Variants in RAPGEF4 observed in about 807,000 individuals in gnomAD.
RAPGEF4 encodes the protein RAP guanine-nucleotide-exchange factor (GEF) 4.
A neutral mutation model predicts 147.9 loss-of-function variants in RAPGEF4; 66 were observed. That is an observed-to-expected ratio of 0.45 (90% CI 0.37 to 0.55). The LOEUF is 0.55. RAPGEF4 is among the 20% of genes least tolerant of loss of function. The pLI is 0.00. For missense variants in RAPGEF4, 1,071 were observed against 1,257.3 expected, an observed-to-expected ratio of 0.85 and a Z score of 2.24; for synonymous variants, 419 against 442.7, an observed-to-expected ratio of 0.95 and a Z score of 0.67.
At chr2:172,773,084 C>A (rs942639258) in intron 1 of RAPGEF4, among the ~76,000 whole-genome samples, 1 of 152,092 alleles carries the variant, frequency 6.6e-6, no homozygotes, top group Non-Finnish European at 1.5e-5. Flanking sequence ...TGTACATTTA[C>A]ATTGGTTTTT....
intron 30 of RAPGEF4, 64 bp downstream of exon 30, chr2:173,048,718 C>T (rs1286125777): frequency 7.4e-6 from 12 of 1,610,832 alleles, no homozygotes; most frequent in Non-Finnish European, 9.3e-6. Context: ...CTTAATGAGG[C>T]CATTGAGACA....
chr2:172,844,903 A>G (rs567120393), intron 4 of RAPGEF4, among the ~76,000 whole-genome samples: 223 of 152,218 alleles, frequency 1.5e-3, no homozygotes, highest in Non-Finnish European at 1.8e-3. Flanking sequence ...TACAACATTG[A>G]GCAAATATGT....
intron 4 of RAPGEF4, among the ~76,000 whole-genome samples, chr2:172,827,845 C>T (rs1689844031): frequency 6.6e-6 from 1 of 152,122 alleles, no homozygotes; most frequent in African/African-American, 2.4e-5. Context: ...GGTTCAAATC[C>T]CTCACTCCAG....
intron 25 of RAPGEF4, 30 bp from the exon 26 acceptor site, chr2:173,030,134 T>G: frequency 6.8e-7 from 1 of 1,468,236 alleles, no homozygotes; most frequent in Non-Finnish European, 9.5e-7. Context: ...AAGTAACATT[T>G]TACTCAAACA....
At chr2:172,993,683 G>T (rs3754754) in intron 15 of RAPGEF4, among the ~76,000 whole-genome samples, 5 of 152,138 alleles carry the variant, frequency 3.3e-5, no homozygotes, top group Non-Finnish European at 7.4e-5. Flanking sequence ...AAACAAAGCC[G>T]TCACGTGATG....
chr2:172,839,247 C>CA (rs1203145216), intron 4 of RAPGEF4, among the ~76,000 whole-genome samples: 1 of 151,798 alleles, frequency 6.6e-6, no homozygotes, highest in African/African-American at 2.4e-5. Flanking sequence ...GGATCTCACA[C>CA]AAGAAAGAAT....
intron 4 of RAPGEF4, among the ~76,000 whole-genome samples, chr2:172,832,996 G>A (rs565668732): frequency 6.6e-6 from 1 of 152,318 alleles, no homozygotes; most frequent in South Asian, 2.1e-4. Flanking sequence ...CTGAGGTCAG[G>A]AGTTCAAGAC....
At chr2:173,029,690 A>C (rs1001465803) in intron 25 of RAPGEF4, among the ~76,000 whole-genome samples, 2 of 152,206 alleles carry the variant, frequency 1.3e-5, no homozygotes, top group African/African-American at 4.8e-5. Context: ...TTTTCAACAA[A>C]CAAGTAGCAT....
intron 4 of RAPGEF4, among the ~76,000 whole-genome samples, chr2:172,815,871 A>T (rs973131447): frequency 2.6e-5 from 4 of 152,166 alleles, no homozygotes; most frequent in Admixed American, 2.6e-4. Flanking sequence ...CTTATTATTT[A>T]AAAAAATTTC....
At chr2:172,761,281 A>G (rs1174149212) in intron 1 of RAPGEF4, among the ~76,000 whole-genome samples, 1 of 151,898 alleles carries the variant, frequency 6.6e-6, no homozygotes, top group Non-Finnish European at 1.5e-5. Context: ...GCCCACCACC[A>G]CGCCTGGCTA....
chr2:172,847,499 C>T (rs1692332164), intron 4 of RAPGEF4, among the ~76,000 whole-genome samples: 1 of 152,184 alleles, frequency 6.6e-6, no homozygotes, highest in South Asian at 2.1e-4. Flanking sequence ...GACATCTCAC[C>T]TGACCAGAAA....
intron 12 of RAPGEF4, 40 bp downstream of exon 12, chr2:172,985,533 C>T (rs1692158785): frequency 6.2e-7 from 1 of 1,600,146 alleles, no homozygotes; most frequent in Non-Finnish European, 8.5e-7. Context: ...GCCTGGCCAG[C>T]ACCCTTGCAA....
At chr2:172,787,885 G>A (rs1338922802) in intron 1 of RAPGEF4, among the ~76,000 whole-genome samples, 2 of 152,140 alleles carry the variant, frequency 1.3e-5, no homozygotes, top group East Asian at 3.8e-4. Flanking sequence ...CTCCCAAAAT[G>A]CTGGAATTAC....
intron 4 of RAPGEF4, among the ~76,000 whole-genome samples, chr2:172,865,887 C>CAT (rs1694585961): frequency 6.6e-6 from 1 of 151,998 alleles, no homozygotes; most frequent in Non-Finnish European, 1.5e-5. Context: ...TATACACATA[C>CAT]ATATATATAG....
chr2:172,898,181 A>G (rs1424917697), intron 4 of RAPGEF4, among the ~76,000 whole-genome samples: 1 of 152,194 alleles, frequency 6.6e-6, no homozygotes, highest in African/African-American at 2.4e-5. Context: ...CAGATGGAAG[A>G]TCCTCAAAGC....
chr2:172,802,640 T>C (rs1442129763), intron 3 of RAPGEF4, among the ~76,000 whole-genome samples: 2 of 152,204 alleles, frequency 1.3e-5, no homozygotes, highest in African/African-American at 4.8e-5. Context: ...TCCTCACATT[T>C]CAAAACCAAT....
Position 172,878,053 on chromosome 2 carries a change from T to G in RAPGEF4, c.445-39749T>G, listed in dbSNP as rs1337441004. 2.0e-5 allele frequency among the ~76,000 whole-genome samples: 3 copies of G among 152,204 alleles called. No homozygotes were observed. In the East Asian group the frequency reaches 5.8e-4, roughly 29 times the overall value. ...CTGTGGGAGGCAGGTTTTGAATTTG[T>G]TAGAACAAATTACTTAAGTTGTGCT... On this transcript the variant is annotated intron_variant, in intron 4 of 30. Coordinates refer to ENST00000397081, the MANE Select transcript of RAPGEF4 (RefSeq NM_007023.4).
chr2:172,957,480 C>A (rs1688859464), intron 6 of RAPGEF4, among the ~76,000 whole-genome samples: 1 of 152,210 alleles, frequency 6.6e-6, no homozygotes, highest in Non-Finnish European at 1.5e-5. Flanking sequence ...ATGTGGCCTG[C>A]CTGTCAGGCT....
Position 172,896,733 on chromosome 2 carries a change from T to C in RAPGEF4, c.445-21069T>C, listed in dbSNP as rs565909562. 6.3e-4 allele frequency among the ~76,000 whole-genome samples: 96 copies of C among 152,318 alleles called. 1 individual carries two copies. Among genetic ancestry groups the C allele is most frequent in the African/African-American group, 2.2e-3 (93 of 41,570 alleles). On this transcript the variant is annotated intron_variant, in intron 4 of 30. Coordinates refer to ENST00000397081, the MANE Select transcript of RAPGEF4 (RefSeq NM_007023.4). Reference sequence around the variant, plus strand: ...GCATTGTGAAAAAGCAAAGCATAATTTTCCTCCAAACAAAGACAAGCTTGT... The same window carrying C: ...GCATTGTGAAAAAGCAAAGCATAATCTTCCTCCAAACAAAGACAAGCTTGT...
Sources: allele counts gnomAD v4.1 joint callset (sites outside exome capture counted in the v4.1 genomes callset), GRCh38; gene constraint gnomAD v4.1.1; transcripts MANE v1.5; gene names NCBI Gene and HGNC (gene_info 2026-07-23, HGNC 2026-07-21).